The following ARHGAP8 variants were observed in gnomAD, a reference collection of about 807,000 sequenced individuals.
ARHGAP8 encodes Rho GTPase activating protein 8, also known as rho GTPase-activating protein 8.
In ARHGAP8, 62 loss-of-function variants were observed where a neutral mutation model predicts 46.1. That is an observed-to-expected ratio of 1.34 (90% confidence interval 1.10 to 1.66). ARHGAP8 has a LOEUF of 1.66. ARHGAP8 is among the 40% of genes most tolerant of loss of function. ARHGAP8 has a pLI of 0.00. For missense variants in ARHGAP8, 923 were observed against 568.4 expected (o/e 1.62, Z -6.34); for synonymous variants, 375 against 243.1 (o/e 1.54, Z -5.05).
At chr22:44,771,525 G>A (rs1925999540) in intron 1 of ARHGAP8, among the ~76,000 whole-genome samples, 1 of 149,656 alleles carries the variant, frequency 6.7e-6, no homozygotes, top group South Asian at 2.1e-4. Flanking sequence ...GGGATTACAG[G>A]TGTGAGCCAC....
chr22:44,859,150 A>G (rs2070340796), intron 10 of ARHGAP8, among the ~76,000 whole-genome samples: 1 of 152,160 alleles, frequency 6.6e-6, no homozygotes. Flanking sequence ...GCTGGCTGAT[A>G]AAGCAGAGGG....
At chr22:44,821,195 G>C (rs77419286) in intron 5 of ARHGAP8, among the ~76,000 whole-genome samples, 19,037 of 151,902 alleles carry the variant, frequency 0.13, 1,557 homozygotes, top group East Asian at 0.34. Context: ...ACTTTGGGAG[G>C]CCAAGGCGGG....
chr22:44,776,028 C>T (rs1047938600), intron 1 of ARHGAP8, among the ~76,000 whole-genome samples: 2 of 152,122 alleles, frequency 1.3e-5, no homozygotes, highest in Non-Finnish European at 2.9e-5. Context: ...AAGTCAGAAG[C>T]GAGTGAGTCA....
intron 7 of ARHGAP8, among the ~76,000 whole-genome samples, chr22:44,826,135 A>C (rs756968881): frequency 6.6e-6 from 1 of 151,892 alleles, no homozygotes; most frequent in African/African-American, 2.4e-5. Flanking sequence ...TGCTAGGAGG[A>C]AGCTTCCAGA....
intron 5 of ARHGAP8, among the ~76,000 whole-genome samples, chr22:44,818,450 CAA>C (rs749292883): frequency 1.6e-5 from 2 of 125,388 alleles, no homozygotes; most frequent in African/African-American, 3.6e-5. Context: ...ACTCCAGTCT[CAA>C]AAAAAAAAAA....
chr22:44,787,909 C>G (rs1052625523), intron 2 of ARHGAP8, among the ~76,000 whole-genome samples: 2 of 144,992 alleles, frequency 1.4e-5, no homozygotes, highest in Admixed American at 6.9e-5. Flanking sequence ...CATTTGAAGC[C>G]CCAAATGTCC....
intron 3 of ARHGAP8, among the ~76,000 whole-genome samples, chr22:44,807,967 T>C (rs1317554331): frequency 6.6e-6 from 1 of 152,206 alleles, no homozygotes; most frequent in Non-Finnish European, 1.5e-5. Context: ...GAGCCCCTCC[T>C]CTCAAGGTCC....
At chr22:44,778,807 C>T (rs1022376575) in intron 1 of ARHGAP8, among the ~76,000 whole-genome samples, 1 of 152,196 alleles carries the variant, frequency 6.6e-6, no homozygotes, top group Non-Finnish European at 1.5e-5. Context: ...ATAACGGCCT[C>T]ACCCTTGATT....
chr22:44,825,771 T>C (rs1376382745), intron 7 of ARHGAP8, among the ~76,000 whole-genome samples, 178 bp downstream of exon 7: 3 of 146,560 alleles, frequency 2.0e-5, no homozygotes, highest in East Asian at 2.1e-4. Flanking sequence ...CAGTGCCTGG[T>C]TGGGGGGGCG....
chr22:44,855,406 C>T (rs1019406286), intron 10 of ARHGAP8, among the ~76,000 whole-genome samples: 1 of 152,004 alleles, frequency 6.6e-6, no homozygotes, highest in African/African-American at 2.4e-5. Flanking sequence ...CTCAAGTGAT[C>T]TCCCCACCTC....
intron 3 of ARHGAP8, among the ~76,000 whole-genome samples, chr22:44,802,731 A>T (rs989187386): frequency 6.6e-6 from 1 of 152,114 alleles, no homozygotes; most frequent in Admixed American, 6.5e-5. Flanking sequence ...GGCCTCTTCC[A>T]GCTCCAGGGG....
At chr22:44,778,712 T>A (rs544507239) in intron 1 of ARHGAP8, among the ~76,000 whole-genome samples, 1 of 152,194 alleles carries the variant, frequency 6.6e-6, no homozygotes, top group Non-Finnish European at 1.5e-5. Flanking sequence ...TTTTTGATTA[T>A]GGCCATTCTT....
chr22:44,803,196 G>A (rs185126631), intron 3 of ARHGAP8, among the ~76,000 whole-genome samples: 131 of 152,272 alleles, frequency 8.6e-4, no homozygotes, highest in Middle Eastern at 6.8e-3. Context: ...GGCCGAGTGA[G>A]GGGGTGCCTG....
intron 2 of ARHGAP8, among the ~76,000 whole-genome samples, chr22:44,787,943 C>CTTTTTTTTTTTTTT (rs1312732228): frequency 7.9e-6 from 1 of 126,862 alleles, no homozygotes; most frequent in Non-Finnish European, 1.6e-5. Context: ...TTTTTTTTCC[C>CTTTTTTTTTTTTTT]CCCAAATGTC....
At chr22:44,857,920 C>A (rs886231741) in intron 10 of ARHGAP8, among the ~76,000 whole-genome samples, 14 of 88,476 alleles carry the variant, frequency 1.6e-4, no homozygotes, top group African/African-American at 6.7e-4. Context: ...TGCCTACTTG[C>A]CAGCAGGTAT....
intron 11 of ARHGAP8, among the ~76,000 whole-genome samples, chr22:44,860,682 AGTGCTCTGGGCCTGGGCTTAGT>A (rs1230172255): frequency 2.0e-5 from 3 of 152,156 alleles, no homozygotes; most frequent in Non-Finnish European, 4.4e-5. Context: ...GAAACCCTTC[AGTGCTCTGGGCCTGGGCTTAGT>A]GTGCTCTCCC....
intron 2 of ARHGAP8, among the ~76,000 whole-genome samples, chr22:44,792,066 G>A (rs1927730647): frequency 6.6e-6 from 1 of 151,146 alleles, no homozygotes; most frequent in Non-Finnish European, 1.5e-5. Context: ...AGGCTGGAGT[G>A]CAGTGGTGCG....
intron 5 of ARHGAP8, among the ~76,000 whole-genome samples, chr22:44,816,555 C>A (rs1314258275): frequency 6.6e-6 from 1 of 152,160 alleles, no homozygotes; most frequent in Non-Finnish European, 1.5e-5. Context: ...GCTCATGCTA[C>A]TAATCATAGC....
intron 3 of ARHGAP8, among the ~76,000 whole-genome samples, chr22:44,807,743 C>T (rs1256682807): frequency 6.6e-6 from 1 of 152,188 alleles, no homozygotes; most frequent in Non-Finnish European, 1.5e-5. Flanking sequence ...GCCGTGCTCC[C>T]TGGGAAGGGA....
Sources: gnomAD v4.1 joint callset for allele counts (sites outside exome capture counted in the v4.1 genomes callset) on GRCh38, gnomAD v4.1.1 for gene constraint, MANE v1.5 for transcripts, NCBI Gene and HGNC (gene_info 2026-07-23, HGNC 2026-07-21) for gene names.